GRIA4: variants seen among roughly 807,000 people sequenced by gnomAD.
GRIA4 encodes glutamate ionotropic receptor AMPA type subunit 4.
Under a neutral mutation model 104.0 loss-of-function variants are expected in GRIA4, and 34 were observed. The ratio of observed to expected loss-of-function variants is 0.33; its 90% confidence interval spans 0.25 to 0.44. The LOEUF is 0.44. Ranked by LOEUF, GRIA4 falls within the 20% of genes least tolerant of loss-of-function variation. GRIA4 has a pLI of 1.00. For synonymous variants in GRIA4, 386 were observed against 381.9 expected (o/e 1.01, Z -0.13); for missense variants, 750 against 1,096.5 (o/e 0.68, Z 4.46).
At chr11:105,956,684 C>G (rs1317786630) in intron 14 of GRIA4, among the ~76,000 whole-genome samples, 1 of 152,220 alleles carries the variant, frequency 6.6e-6, no homozygotes, top group Non-Finnish European at 1.5e-5. Context: ...AATCGCCACA[C>G]TGTCTTCCAC....
intron 4 of GRIA4, among the ~76,000 whole-genome samples, chr11:105,802,503 GAAGAA>G (rs1041860713): frequency 1.3e-5 from 2 of 152,040 alleles, no homozygotes; most frequent in African/African-American, 4.8e-5. Flanking sequence ...GGCACAAAAT[GAAGAA>G]AAGATTTTGA....
intron 5 of GRIA4, among the ~76,000 whole-genome samples, chr11:105,868,897 A>G (rs1945520980): frequency 6.6e-6 from 1 of 152,166 alleles, no homozygotes; most frequent in African/African-American, 2.4e-5. Flanking sequence ...AACTCGAAAG[A>G]TGTGAGGTTT....
At chr11:105,660,799 C>T (rs1344740075) in intron 3 of GRIA4, among the ~76,000 whole-genome samples, 8 of 151,494 alleles carry the variant, frequency 5.3e-5, no homozygotes, top group Non-Finnish European at 1.2e-4. Flanking sequence ...ATATCTATAT[C>T]TCCATATATA....
intron 4 of GRIA4, among the ~76,000 whole-genome samples, chr11:105,818,867 A>C (rs2135895393): frequency 6.6e-6 from 1 of 152,210 alleles, no homozygotes; most frequent in East Asian, 1.9e-4. Context: ...GGGATTTTAG[A>C]AGTCATATGT....
intron 3 of GRIA4, among the ~76,000 whole-genome samples, chr11:105,673,279 A>T (rs2135444041): frequency 6.6e-6 from 1 of 152,244 alleles, no homozygotes; most frequent in South Asian, 2.1e-4. Context: ...GAAATTAACT[A>T]ACAGAAGCGC....
At chr11:105,722,577 T>C (rs1937898183) in intron 3 of GRIA4, among the ~76,000 whole-genome samples, 1 of 152,098 alleles carries the variant, frequency 6.6e-6, no homozygotes, top group Non-Finnish European at 1.5e-5. Flanking sequence ...TACCAATTCA[T>C]GTTTTTATCA....
At chr11:105,695,857 T>A (rs149434318) in intron 3 of GRIA4, among the ~76,000 whole-genome samples, 1 of 152,312 alleles carries the variant, frequency 6.6e-6, no homozygotes, top group South Asian at 2.1e-4. Flanking sequence ...TTCTCTCAGC[T>A]ATTGACATCT....
At chr11:105,661,686 A>T (rs966023949) in intron 3 of GRIA4, among the ~76,000 whole-genome samples, 1 of 6,564 alleles carries the variant, frequency 1.5e-4, no homozygotes. Context: ...CAACTGAAAC[A>T]GAGAGAAAAA....
At chr11:105,932,007 T>A (rs1209617386) in intron 13 of GRIA4, among the ~76,000 whole-genome samples, 1 of 151,902 alleles carries the variant, frequency 6.6e-6, no homozygotes, top group African/African-American at 2.4e-5. Flanking sequence ...TACTCAGCAC[T>A]GAGCCTCACA....
intron 14 of GRIA4, among the ~76,000 whole-genome samples, chr11:105,938,098 G>C (rs2136219675): frequency 6.6e-6 from 1 of 152,328 alleles, no homozygotes; most frequent in South Asian, 2.1e-4. Flanking sequence ...CTACATTGGA[G>C]TGAGTAGAGT....
chr11:105,862,281 A>G, intron 5 of GRIA4, 73 bp downstream of exon 5: 1 of 785,180 alleles, frequency 1.3e-6, no homozygotes, highest in East Asian at 2.6e-5. Flanking sequence ...ACTTGTCCCC[A>G]TCAACATCTT....
chr11:105,670,180 A>G (rs1952314456), intron 3 of GRIA4, among the ~76,000 whole-genome samples: 2 of 152,134 alleles, frequency 1.3e-5, no homozygotes, highest in Admixed American at 1.3e-4. Flanking sequence ...GTAATCAAAA[A>G]TCTTAAGATG....
chr11:105,782,555 G>A (rs770323513), intron 4 of GRIA4, among the ~76,000 whole-genome samples: 22 of 152,140 alleles, frequency 1.4e-4, no homozygotes, highest in Admixed American at 6.6e-5. Flanking sequence ...CAGTTTTTAA[G>A]GTGGTTTTTT....
intron 3 of GRIA4, among the ~76,000 whole-genome samples, chr11:105,717,005 A>C (rs1954114409): frequency 1.3e-5 from 2 of 152,158 alleles, no homozygotes; most frequent in Non-Finnish European, 2.9e-5. Flanking sequence ...AATCCTTATT[A>C]TTCAGTGTTA....
chr11:105,659,970 A>C (rs1228786792), intron 3 of GRIA4, among the ~76,000 whole-genome samples: 1 of 151,774 alleles, frequency 6.6e-6, no homozygotes, highest in African/African-American at 2.4e-5. Flanking sequence ...AAACAATGGT[A>C]AAATTTTCAA....
intron 3 of GRIA4, among the ~76,000 whole-genome samples, chr11:105,702,048 C>A (rs181317663): frequency 6.6e-6 from 1 of 152,204 alleles, no homozygotes; most frequent in Non-Finnish European, 1.5e-5. Context: ...GATCCTCCTG[C>A]CGCAGCCTCC....
intron 3 of GRIA4, among the ~76,000 whole-genome samples, chr11:105,664,009 G>C (rs1050223778): frequency 1.3e-5 from 2 of 150,696 alleles, no homozygotes; most frequent in Non-Finnish European, 3.0e-5. Flanking sequence ...TTGCAGGGTT[G>C]TCAGGAAGAT....
intron 4 of GRIA4, among the ~76,000 whole-genome samples, chr11:105,762,957 G>A (rs1247789701): frequency 6.6e-6 from 1 of 152,178 alleles, no homozygotes; most frequent in Non-Finnish European, 1.5e-5. Context: ...ATGTTATAAA[G>A]AGATTTCAGA....
chr11:105,753,654 A>G lies in GRIA4; in HGVS notation c.487+434A>G, dbSNP rs541843727. ...CCAGAGTTACGTAGCATCAGATCCT[A>G]CAGATTGAAGGCTCAGTCCCCCACA... On this transcript the variant is annotated intron_variant, in intron 4 of 16. Coordinates refer to ENST00000282499, the MANE Select transcript of GRIA4 (RefSeq NM_000829.4). Among the ~76,000 whole-genome samples the G allele has an allele frequency of 5.3e-5, 8 of 152,190 alleles. No individual in the cohort carries two copies. In the South Asian group the frequency reaches 1.0e-3, roughly 20 times the overall value.
Sources: gnomAD v4.1 joint callset for allele counts (sites outside exome capture counted in the v4.1 genomes callset) on GRCh38, gnomAD v4.1.1 for gene constraint, MANE v1.5 for transcripts, NCBI Gene and HGNC (gene_info 2026-07-23, HGNC 2026-07-21) for gene names.